PAQR5: variants seen among roughly 807,000 people sequenced by gnomAD.
PAQR5 encodes the protein progestin and adipoQ receptor family member 5.
In PAQR5, 20 loss-of-function variants were observed where a neutral mutation model predicts 34.5. The observed-to-expected ratio is 0.58, with a 90% CI of 0.41 to 0.84. PAQR5 has a LOEUF of 0.84. Ranked by LOEUF, PAQR5 falls within the 40% of genes least tolerant of loss-of-function variation. The pLI, the probability that PAQR5 is intolerant of heterozygous loss-of-function variation, is 0.00. For missense variants in PAQR5, 378 were observed against 412.7 expected (o/e 0.92, Z 0.73); for synonymous variants, 131 against 155.6 (o/e 0.84, Z 1.18).
chr15:69,332,214 T>C (rs538738784), intron 1 of PAQR5, among the ~76,000 whole-genome samples: 4 of 152,230 alleles, frequency 2.6e-5, no homozygotes, highest in Non-Finnish European at 5.9e-5. Flanking sequence ...TGTTTTTCTT[T>C]GTTCTGTAAT....
intron 2 of PAQR5, among the ~76,000 whole-genome samples, chr15:69,350,206 G>C (rs1262599903): frequency 1.3e-5 from 2 of 152,238 alleles, no homozygotes; most frequent in Non-Finnish European, 2.9e-5. Flanking sequence ...GGCAGCAGAG[G>C]CAGAGAACCA....
At chr15:69,328,502 C>T (rs1177224677) in intron 1 of PAQR5, among the ~76,000 whole-genome samples, 3 of 152,164 alleles carry the variant, frequency 2.0e-5, no homozygotes, top group Non-Finnish European at 4.4e-5. Context: ...CCGTGTCCCT[C>T]CTGGAGGAGG....
chr15:69,357,016 A>T (rs2055097280), intron 2 of PAQR5, among the ~76,000 whole-genome samples: 1 of 151,848 alleles, frequency 6.6e-6, no homozygotes, highest in Non-Finnish European at 1.5e-5. Flanking sequence ...TTCTCTCAAG[A>T]TCTGGTTGTT....
At chr15:69,333,511 G>A (rs563476210) in intron 1 of PAQR5, among the ~76,000 whole-genome samples, 26 of 152,268 alleles carry the variant, frequency 1.7e-4, no homozygotes, top group African/African-American at 6.0e-4. Context: ...TGGAAGATAA[G>A]GAGGCGTCCC....
chr15:69,394,560 T>G (rs72758407), intron 6 of PAQR5, among the ~76,000 whole-genome samples: 8 of 152,236 alleles, frequency 5.3e-5, no homozygotes, highest in Non-Finnish European at 7.3e-5. Flanking sequence ...TCCTTCCAGC[T>G]TTTTTGTCAG....
chr15:69,397,450 T>C lies in PAQR5; in HGVS notation c.513-18T>C, dbSNP rs1384121723. ...TCTTTTCATTCCATTTCCTCCCCACTTTCCTTCCCTGATTTAGGTTTCTTG... is the reference window on the plus strand; with the variant it reads ...TCTTTTCATTCCATTTCCTCCCCACCTTCCTTCCCTGATTTAGGTTTCTTG... On this transcript the variant is annotated intron_variant, in intron 6 of 8. Coordinates refer to ENST00000395407, the MANE Select transcript of PAQR5 (RefSeq NM_017705.4). 1 of 1,565,678 alleles carries C rather than the reference T, an allele frequency of 6.4e-7. No individual in the cohort carries two copies. Among genetic ancestry groups the C allele is most frequent in the South Asian group, 1.1e-5 (1 of 90,154 alleles).
chr15:69,352,988 C>T (rs1343861345), intron 2 of PAQR5, among the ~76,000 whole-genome samples: 1 of 152,222 alleles, frequency 6.6e-6, no homozygotes, highest in East Asian at 1.9e-4. Flanking sequence ...GATAGAATGA[C>T]CTGTTCTGTA....
chr15:69,327,798 A>T (rs2054288208), intron 1 of PAQR5, among the ~76,000 whole-genome samples: 1 of 152,098 alleles, frequency 6.6e-6, no homozygotes, highest in African/African-American at 2.4e-5. Flanking sequence ...GAGTGGGAGG[A>T]TGCTTGAATC....
At chr15:69,332,634 CCTTT>C (rs1312496849) in intron 1 of PAQR5, among the ~76,000 whole-genome samples, 1 of 151,878 alleles carries the variant, frequency 6.6e-6, no homozygotes, top group Non-Finnish European at 1.5e-5. Context: ...TGGAATGATT[CCTTT>C]CTGAGTTTTA....
intron 3 of PAQR5, among the ~76,000 whole-genome samples, chr15:69,364,399 A>G (rs553911238): frequency 1.3e-5 from 2 of 148,964 alleles, no homozygotes; most frequent in Non-Finnish European, 3.0e-5. Context: ...TAAAGCAATC[A>G]CCATTCTGTC....
intron 3 of PAQR5, 127 bp downstream of exon 3, chr15:69,360,258 C>T: frequency 1.6e-6 from 1 of 622,586 alleles, no homozygotes; most frequent in Non-Finnish European, 2.9e-6. Flanking sequence ...GGACCCCTTC[C>T]CACACTTCCT....
intron 3 of PAQR5, among the ~76,000 whole-genome samples, chr15:69,361,882 T>A (rs58282822): frequency 0.053 from 7,784 of 146,108 alleles, 380 homozygotes; most frequent in African/African-American, 0.13. Context: ...ATTGTGGAAG[T>A]GGGGAGAGCA....
In PAQR5 at chr15:69,329,463, C is replaced by CTTTTTTTT. The variant is rs1038357937; in HGVS notation, c.-276-7860_-276-7853dup. Among the ~76,000 whole-genome samples, 34 of 73,762 alleles carry CTTTTTTTT rather than the reference C, an allele frequency of 4.6e-4. 1 individual carries two copies. The highest frequency in any genetic ancestry group is 1.0e-3 in the African/African-American group (18 of 17,512). The allele number at this position is 73,762 out of a possible 152,430, so 48.4% of individuals were successfully genotyped here. ...TTTTACCTAAATTTATTTTTTCTTT[C>CTTTTTTTT]TTTTTTTTTTTTTTTTTTTTTTTTT... is the stretch of plus-strand genomic sequence containing the variant. On this transcript the variant is annotated intron_variant, in intron 1 of 8. Coordinates refer to ENST00000395407, the MANE Select transcript of PAQR5 (RefSeq NM_017705.4).
At chr15:69,301,284 G>A (rs1247052425) in intron 1 of PAQR5, among the ~76,000 whole-genome samples, 8 of 152,024 alleles carry the variant, frequency 5.3e-5, no homozygotes, top group South Asian at 2.1e-4. Flanking sequence ...GATTGCAGGC[G>A]TGAGCCACTG....
intron 2 of PAQR5, among the ~76,000 whole-genome samples, chr15:69,349,640 A>ATTTTTAT (rs1555417060): frequency 6.8e-6 from 1 of 147,248 alleles, no homozygotes; most frequent in African/African-American, 2.5e-5. Context: ...GTTTATTTTT[A>ATTTTTAT]TTTTTTTTTT....
chr15:69,352,940 G>A (rs941095256), intron 2 of PAQR5, among the ~76,000 whole-genome samples: 3 of 152,238 alleles, frequency 2.0e-5, no homozygotes, highest in African/African-American at 7.2e-5. Context: ...AGTCACCAAA[G>A]AGTGACCTCG....
At chr15:69,370,311 G>T (rs2055524765) in intron 3 of PAQR5, among the ~76,000 whole-genome samples, 1 of 152,160 alleles carries the variant, frequency 6.6e-6, no homozygotes, top group Non-Finnish European at 1.5e-5. Context: ...TGTAAAATGG[G>T]TCGACAGTCC....
At chr15:69,357,131 T>G (rs1015899196) in intron 2 of PAQR5, among the ~76,000 whole-genome samples, 1 of 152,048 alleles carries the variant, frequency 6.6e-6, no homozygotes, top group Non-Finnish European at 1.5e-5. Context: ...CCTTCCGCTA[T>G]GATTGTAAGC....
At chr15:69,362,173 A>C (rs762974950) in intron 3 of PAQR5, among the ~76,000 whole-genome samples, 1 of 152,198 alleles carries the variant, frequency 6.6e-6, no homozygotes, top group African/African-American at 2.4e-5. Context: ...GCAGAGGCTA[A>C]GGGAGAAAGA....
Sources: allele counts gnomAD v4.1 joint callset (sites outside exome capture counted in the v4.1 genomes callset), GRCh38; gene constraint gnomAD v4.1.1; transcripts MANE v1.5; gene names NCBI Gene and HGNC (gene_info 2026-07-23, HGNC 2026-07-21).